The following ZMYM2 variants were observed in gnomAD, a reference collection of about 807,000 sequenced individuals.
ZMYM2 encodes zinc finger MYM-type containing 2, also known as zinc finger MYM-type protein 2.
In ZMYM2, 56 loss-of-function variants were observed where a neutral mutation model predicts 162.8. That is an observed-to-expected ratio of 0.34 (90% CI 0.28 to 0.43). ZMYM2 has a LOEUF of 0.43. Among genes scored for constraint, ZMYM2 ranks in the 20% least tolerant of loss-of-function variants. The pLI, the probability that ZMYM2 is intolerant of heterozygous loss-of-function variation, is 1.00. For missense variants in ZMYM2, 1,275 were observed against 1,621.8 expected (o/e 0.79, Z 3.67); for synonymous variants, 510 against 541.6 (o/e 0.94, Z 0.81).
chr13:20,016,094 C>T (rs1951603454), intron 6 of ZMYM2, among the ~76,000 whole-genome samples: 1 of 151,080 alleles, frequency 6.6e-6, no homozygotes, highest in Admixed American at 6.6e-5. Flanking sequence ...TATCTCATTT[C>T]CTGCATTATG....
At chr13:19,999,890 C>T (rs1950269312) in intron 3 of ZMYM2, among the ~76,000 whole-genome samples, 1 of 152,196 alleles carries the variant, frequency 6.6e-6, no homozygotes, top group Non-Finnish European at 1.5e-5. Flanking sequence ...CTCTGCCTCA[C>T]AGGCTCAAGA....
the ZMYM2 span, among the ~76,000 whole-genome samples, chr13:19,884,872 G>T: frequency 6.6e-6 from 1 of 152,100 alleles, no homozygotes; most frequent in African/African-American, 2.4e-5. Context: ...GGGTGCGGGT[G>T]GCCGGCTTTT....
the ZMYM2 span, among the ~76,000 whole-genome samples, chr13:19,870,454 CTT>C: frequency 6.6e-6 from 1 of 150,494 alleles, no homozygotes; most frequent in African/African-American, 2.4e-5. Flanking sequence ...TGTCATTTCT[CTT>C]TCTCTCTTCT....
the ZMYM2 span, among the ~76,000 whole-genome samples, chr13:19,873,567 C>A: frequency 2.6e-5 from 4 of 152,074 alleles, no homozygotes; most frequent in African/African-American, 9.7e-5. Context: ...TGTCACCACG[C>A]CCAGCTAATT....
chr13:20,080,647 G>A lies in ZMYM2; in HGVS notation c.3454-1369G>A, dbSNP rs376027086. Among the ~76,000 whole-genome samples the A allele has an allele frequency of 7.9e-5, 12 of 152,034 alleles. No individual in the cohort carries two copies. In the East Asian group the frequency reaches 1.7e-3, roughly 22 times the overall value. ...TGGAGCTACAGGCACATGCCACCAC[G>A]CCTGGCTAATTTTTGTATTTTTTGT... On this transcript the variant is annotated intron_variant, in intron 21 of 24. Transcript: ENST00000610343.
At chr13:19,926,616 G>T in the ZMYM2 span, among the ~76,000 whole-genome samples, 1 of 151,930 alleles carries the variant, frequency 6.6e-6, no homozygotes, top group Non-Finnish European at 1.5e-5. Flanking sequence ...CACCCACCTC[G>T]GCCTCCCAAA....
chr13:20,068,053 T>G (rs1196307270), intron 21 of ZMYM2: 2 of 174,406 alleles, frequency 1.1e-5, no homozygotes, highest in Non-Finnish European at 2.5e-5. Context: ...TAGAATTGTC[T>G]TAATTTGTGT....
chr13:20,077,847 CT>C lies in ZMYM2; in HGVS notation c.3454-4156del, dbSNP rs11427276. Among the ~76,000 whole-genome samples the C allele has an allele frequency of 6.6e-3, 952 of 143,740 alleles. 15 individuals carry two copies. The highest frequency in any genetic ancestry group is 0.022 in the African/African-American group (872 of 39,348). The allele number at this position is 143,740 out of a possible 152,430, so 94.3% of individuals were successfully genotyped here. Reference sequence around the variant, plus strand: ...ACATGAAAAGGTTTTAAGTTTTTTTCTTTTTTTTTTTTTGAGAGGGAGTCTT... The same window carrying C: ...ACATGAAAAGGTTTTAAGTTTTTTTCTTTTTTTTTTTTGAGAGGGAGTCTT... On this transcript the variant is annotated intron_variant, in intron 21 of 24. Transcript: ENST00000610343.
chr13:20,003,221 C>T, intron 4 of ZMYM2, 86 bp downstream of exon 4: 2 of 1,431,276 alleles, frequency 1.4e-6, no homozygotes, highest in Non-Finnish European at 1.9e-6. Flanking sequence ...TTTGTAATAC[C>T]TTTGGAAACT....
At chr13:20,044,969 G>C (rs985372660) in intron 12 of ZMYM2, among the ~76,000 whole-genome samples, 5 of 147,878 alleles carry the variant, frequency 3.4e-5, no homozygotes, top group Non-Finnish European at 7.4e-5. Context: ...AAAATCACTT[G>C]AACCCGGGAG....
At chr13:19,985,922 C>T (rs1056869549) in intron 2 of ZMYM2, among the ~76,000 whole-genome samples, 4 of 150,418 alleles carry the variant, frequency 2.7e-5, no homozygotes, top group Non-Finnish European at 4.4e-5. Flanking sequence ...TGATAACGTG[C>T]GCCTATAAAT....
intron 14 of ZMYM2, among the ~76,000 whole-genome samples, chr13:20,055,922 G>C (rs994558578): frequency 1.3e-5 from 2 of 152,136 alleles, no homozygotes; most frequent in African/African-American, 2.4e-5. Flanking sequence ...AGGCAATGTG[G>C]TATGAAAAGT....
At chr13:19,868,908 G>A in the ZMYM2 span, among the ~76,000 whole-genome samples, 1 of 152,016 alleles carries the variant, frequency 6.6e-6, no homozygotes, top group East Asian at 1.9e-4. Flanking sequence ...CTGCCACCAT[G>A]CCTGGCTAAT....
chr13:19,918,779 G>C, the ZMYM2 span, among the ~76,000 whole-genome samples: 1 of 152,052 alleles, frequency 6.6e-6, no homozygotes, highest in Non-Finnish European at 1.5e-5. Context: ...GATTAGAGGC[G>C]TGAGCCACCA....
intron 6 of ZMYM2, among the ~76,000 whole-genome samples, chr13:20,013,625 G>GT (rs1197489009): frequency 4.6e-5 from 7 of 151,910 alleles, no homozygotes; most frequent in Admixed American, 3.9e-4. Context: ...TTTTTATTCA[G>GT]TTTTTTTAAT....
chr13:19,999,182 A>G (rs1950218851), intron 3 of ZMYM2, among the ~76,000 whole-genome samples: 1 of 152,160 alleles, frequency 6.6e-6, no homozygotes, highest in Admixed American at 6.5e-5. Flanking sequence ...TTGACATTGG[A>G]TTGGTCAGTA....
At chr13:19,913,147 G>A in the ZMYM2 span, among the ~76,000 whole-genome samples, 1 of 152,150 alleles carries the variant, frequency 6.6e-6, no homozygotes, top group East Asian at 1.9e-4. Flanking sequence ...CCTTTGGCGG[G>A]CCCCTATAGG....
rs190047531 is a variant in ZMYM2 at position 20,032,851 on chromosome 13, C to T, written c.1969-1403C>T. 3.0e-4 allele frequency among the ~76,000 whole-genome samples: 46 copies of T among 152,134 alleles called. No individual in the cohort carries two copies. In the East Asian group the frequency reaches 8.0e-3, roughly 26 times the overall value. ...CTTGATCTCCTGGCCTCAGGCAATC[C>T]GCCCGCCTCAGCCTCCCAAAGTGCT... On this transcript the variant is annotated intron_variant, in intron 10 of 24. Transcript: ENST00000610343.
the ZMYM2 span, among the ~76,000 whole-genome samples, chr13:19,918,384 C>T: frequency 3.3e-5 from 5 of 149,842 alleles, no homozygotes; most frequent in African/African-American, 1.2e-4. Context: ...GGTGGAGGCT[C>T]CAGTGAGCCG....
Sources: allele counts gnomAD v4.1 joint callset (sites outside exome capture counted in the v4.1 genomes callset), GRCh38; gene constraint gnomAD v4.1.1; transcripts MANE v1.5; gene names NCBI Gene and HGNC (gene_info 2026-07-23, HGNC 2026-07-21).